The following AFG2A variants were observed in gnomAD, a reference collection of about 807,000 sequenced individuals.
AFG2A encodes ATPase family gene 2 protein homolog A.
chr4:122,974,798 A>G, the AFG2A span, among the ~76,000 whole-genome samples: 1 of 151,650 alleles, frequency 6.6e-6, no homozygotes, highest in African/African-American at 2.4e-5. Flanking sequence ...GCACCACCAC[A>G]CCCGGCTAAT....
chr4:123,303,823 C>T, the AFG2A span, among the ~76,000 whole-genome samples: 1 of 151,176 alleles, frequency 6.6e-6, no homozygotes, highest in East Asian at 1.9e-4. Flanking sequence ...AAGTGTGTTC[C>T]CCTTCTCTAA....
At chr4:123,193,926 T>C in the AFG2A span, among the ~76,000 whole-genome samples, 2 of 152,236 alleles carry the variant, frequency 1.3e-5, no homozygotes, top group South Asian at 2.1e-4. Flanking sequence ...GGCTTTAAAA[T>C]GTAAAAGGGG....
At chr4:123,262,477 G>A in the AFG2A span, among the ~76,000 whole-genome samples, 2 of 152,174 alleles carry the variant, frequency 1.3e-5, no homozygotes, top group South Asian at 2.1e-4. Flanking sequence ...AGGACTCCAC[G>A]ATCTCCTAAT....
the AFG2A span, among the ~76,000 whole-genome samples, chr4:123,240,859 A>T: frequency 6.6e-6 from 1 of 152,200 alleles, no homozygotes; most frequent in Non-Finnish European, 1.5e-5. Flanking sequence ...TTTTTTGAAA[A>T]GATCAACAAA....
chr4:123,206,706 A>G, the AFG2A span, among the ~76,000 whole-genome samples: 1 of 152,072 alleles, frequency 6.6e-6, no homozygotes, highest in Non-Finnish European at 1.5e-5. Flanking sequence ...CCCTTCCCCT[A>G]TAGGAAGTTT....
chr4:123,256,194 CT>C, the AFG2A span: 2 of 1,612,288 alleles, frequency 1.2e-6, no homozygotes, highest in Non-Finnish European at 1.7e-6. Flanking sequence ...AGATAGTTCC[CT>C]TCAAAATACC....
At chr4:122,949,970 C>T in the AFG2A span, among the ~76,000 whole-genome samples, 1 of 152,216 alleles carries the variant, frequency 6.6e-6, no homozygotes. Context: ...ATGATGTGCT[C>T]CCCAGTAGGT....
chr4:123,118,340 T>G, the AFG2A span, among the ~76,000 whole-genome samples: 1 of 54,150 alleles, frequency 1.8e-5, no homozygotes, highest in East Asian at 1.9e-3. Context: ...ATATATATAT[T>G]ATATTATATA....
At chr4:123,313,453 G>A in the AFG2A span, among the ~76,000 whole-genome samples, 1 of 152,202 alleles carries the variant, frequency 6.6e-6, no homozygotes, top group African/African-American at 2.4e-5. Flanking sequence ...GTGTTGATGA[G>A]CAAGGCCTCA....
chr4:123,249,051 G>A, the AFG2A span, among the ~76,000 whole-genome samples: 1 of 152,116 alleles, frequency 6.6e-6, no homozygotes, highest in Admixed American at 6.5e-5. Context: ...ATAAGTTTTT[G>A]AGCTAGAATT....
the AFG2A span, among the ~76,000 whole-genome samples, chr4:123,217,187 A>T: frequency 6.6e-6 from 1 of 152,096 alleles, no homozygotes. Flanking sequence ...TTCCCATCCC[A>T]TCTTCCTCCC....
At chr4:123,007,987 T>G in the AFG2A span, among the ~76,000 whole-genome samples, 1 of 152,136 alleles carries the variant, frequency 6.6e-6, no homozygotes, top group South Asian at 2.1e-4. Flanking sequence ...TTTAGTTTAG[T>G]TTTTTTGTTT....
chr4:123,260,764 G>A, the AFG2A span, among the ~76,000 whole-genome samples: 122 of 152,236 alleles, frequency 8.0e-4, no homozygotes, highest in African/African-American at 2.8e-3. Context: ...GGTCTTAAGC[G>A]CTCTACTTAT....
the AFG2A span, among the ~76,000 whole-genome samples, chr4:123,147,908 G>A: frequency 6.6e-6 from 1 of 152,106 alleles, no homozygotes; most frequent in South Asian, 2.1e-4. Context: ...GTTCATATGA[G>A]TGAACACTTT....
At chr4:122,959,936 T>C in the AFG2A span, among the ~76,000 whole-genome samples, 5 of 152,204 alleles carry the variant, frequency 3.3e-5, no homozygotes, top group Non-Finnish European at 7.4e-5. Flanking sequence ...CCCTTAGATC[T>C]CACATTATCT....
chr4:122,975,635 A>G, the AFG2A span, among the ~76,000 whole-genome samples: 1 of 152,112 alleles, frequency 6.6e-6, no homozygotes, highest in African/African-American at 2.4e-5. Flanking sequence ...CTGAGCCTTT[A>G]TAGGCTTGCA....
chr4:123,148,769 AT>A, the AFG2A span, among the ~76,000 whole-genome samples: 1,921 of 136,776 alleles, frequency 0.014, 31 homozygotes, highest in South Asian at 0.1. Context: ...CACACACTCT[AT>A]TTTTTTTTTT....
At chr4:123,211,240 G>A in the AFG2A span, among the ~76,000 whole-genome samples, 107 of 152,218 alleles carry the variant, frequency 7.0e-4, no homozygotes, top group East Asian at 6.4e-3. Flanking sequence ...AAGTTTGTTT[G>A]CATTTTCAAC....
chr4:123,206,654 C>T, the AFG2A span, among the ~76,000 whole-genome samples: 2 of 152,130 alleles, frequency 1.3e-5, no homozygotes, highest in Admixed American at 6.6e-5. Flanking sequence ...GTTTTCCTTT[C>T]GATCCAGTGT....
Sources: gnomAD v4.1 joint callset for allele counts (sites outside exome capture counted in the v4.1 genomes callset) on GRCh38, gnomAD v4.1.1 for gene constraint, MANE v1.5 for transcripts, NCBI Gene and HGNC (gene_info 2026-07-23, HGNC 2026-07-21) for gene names.